Variants in RBFOX1 observed in about 807,000 individuals in gnomAD.
RBFOX1 encodes RNA binding protein fox-1 homolog 1.
RBFOX1 carries 8 observed loss-of-function variants against 57.7 expected under a neutral mutation model. The ratio of observed to expected loss-of-function variants is 0.14; its 90% CI spans 0.08 to 0.25. The LOEUF is 0.25. Ranked by LOEUF, RBFOX1 falls within the 10% of genes least tolerant of loss-of-function variation. The probability of loss-of-function intolerance (pLI) is 1.00; values close to 1 mark genes in which losing one functional copy is unlikely to be tolerated. For missense variants in RBFOX1, 611 were observed against 548.5 expected, an observed-to-expected ratio of 1.11 and a Z score of -1.14; for synonymous variants, 326 against 222.4, an observed-to-expected ratio of 1.47 and a Z score of -4.15.
At chr16:7,242,608 C>G (rs898425540) in intron 4 of RBFOX1, among the ~76,000 whole-genome samples, 4 of 152,168 alleles carry the variant, frequency 2.6e-5, no homozygotes, top group African/African-American at 7.2e-5. Context: ...GCTGAACAAA[C>G]TTTCCATGGT....
At chr16:7,144,669 A>G (rs1364731458) in intron 4 of RBFOX1, among the ~76,000 whole-genome samples, 1 of 152,096 alleles carries the variant, frequency 6.6e-6, no homozygotes, top group African/African-American at 2.4e-5. Context: ...CATTCATTAA[A>G]TGATGGTTTT....
intron 3 of RBFOX1, among the ~76,000 whole-genome samples, chr16:6,975,630 C>T (rs1436637074): frequency 1.3e-5 from 2 of 152,150 alleles, no homozygotes; most frequent in African/African-American, 4.8e-5. Context: ...TCCCACTTGA[C>T]AGATGAAAAG....
At chr16:6,496,019 G>A (rs1044014486) in intron 2 of RBFOX1, among the ~76,000 whole-genome samples, 4 of 152,276 alleles carry the variant, frequency 2.6e-5, no homozygotes, top group Admixed American at 6.5e-5. Flanking sequence ...CTGTTGCAGT[G>A]ACAGGACAAA....
intron 1 of RBFOX1, among the ~76,000 whole-genome samples, chr16:6,046,817 C>T (rs768872428): frequency 2.0e-5 from 3 of 152,210 alleles, no homozygotes; most frequent in Non-Finnish European, 4.4e-5. Context: ...GAAATGAAGT[C>T]GGCTTTATCT....
chr16:5,704,987 A>G (rs1054714865), intron 3 of RBFOX1, among the ~76,000 whole-genome samples: 1 of 152,168 alleles, frequency 6.6e-6, no homozygotes. Context: ...GCACATGTGT[A>G]GATCATCTCT....
intron 2 of RBFOX1, among the ~76,000 whole-genome samples, chr16:5,478,211 T>G (rs868047623): frequency 1.3e-5 from 2 of 152,104 alleles, no homozygotes; most frequent in Admixed American, 6.5e-5. Flanking sequence ...CTTCCCAATT[T>G]AGGTTAGACT....
intron 3 of RBFOX1, among the ~76,000 whole-genome samples, chr16:5,620,993 A>T (rs1301196645): frequency 6.6e-6 from 1 of 152,044 alleles, no homozygotes; most frequent in Non-Finnish European, 1.5e-5. Flanking sequence ...GACGCTCGCC[A>T]CCACGCCCAG....
chr16:6,418,528 T>TTA (rs1384735435), intron 2 of RBFOX1, among the ~76,000 whole-genome samples: 2 of 139,784 alleles, frequency 1.4e-5, no homozygotes, highest in African/African-American at 5.3e-5. Flanking sequence ...TATTTTTTTT[T>TTA]TTTTTTTTTT....
intron 3 of RBFOX1, among the ~76,000 whole-genome samples, chr16:6,657,870 C>G (rs985466738): frequency 2.0e-5 from 3 of 152,188 alleles, no homozygotes; most frequent in African/African-American, 4.8e-5. Context: ...GGGAGCTTCA[C>G]AGAACCCCTA....
At chr16:6,517,114 G>T (rs971048488) in intron 2 of RBFOX1, among the ~76,000 whole-genome samples, 1 of 152,136 alleles carries the variant, frequency 6.6e-6, no homozygotes, top group Non-Finnish European at 1.5e-5. Context: ...CTGGCTTGTT[G>T]TGGGCCACTT....
intron 2 of RBFOX1, among the ~76,000 whole-genome samples, chr16:6,580,628 C>T (rs1420064): frequency 0.45 from 68,786 of 151,974 alleles, 16,591 homozygotes; most frequent in East Asian, 0.67. Context: ...GAGGGACCAA[C>T]CTTGGTTGAT....
chr16:5,713,339 C>T (rs1294273661), intron 3 of RBFOX1, among the ~76,000 whole-genome samples: 2 of 152,140 alleles, frequency 1.3e-5, no homozygotes, highest in African/African-American at 4.8e-5. Context: ...GAGTCAGGGA[C>T]TTAAGTACAG....
At chr16:6,639,342 T>G (rs565867878) in intron 2 of RBFOX1, among the ~76,000 whole-genome samples, 7 of 152,266 alleles carry the variant, frequency 4.6e-5, no homozygotes, top group African/African-American at 1.7e-4. Context: ...CTAGGATCTT[T>G]ACAAGAGCGG....
At chr16:5,395,518 T>C (rs896433801) in intron 1 of RBFOX1, among the ~76,000 whole-genome samples, 1 of 152,218 alleles carries the variant, frequency 6.6e-6, no homozygotes, top group Admixed American at 6.5e-5. Context: ...GAGGGAAATT[T>C]CTTCTACTCT....
rs150114693 is a variant in RBFOX1, at chr16:5,975,324, C to T, written c.351+107989C>T. ...GGAGCAATACATCACCCAAGCTCTG[C>T]AGCCTTCGTCCATATCATTAGAGCA... On this transcript the variant is annotated intron_variant, in intron 4 of 19. Transcript: ENST00000641259. Among the ~76,000 whole-genome samples the T allele has an allele frequency of 2.6e-5, 4 of 152,302 alleles. No homozygotes were observed. The South Asian group carries it at 6.2e-4, about 24-fold the overall frequency.
chr16:5,568,931 G>T (rs1341487827), intron 2 of RBFOX1, among the ~76,000 whole-genome samples: 1 of 151,930 alleles, frequency 6.6e-6, no homozygotes, highest in African/African-American at 2.4e-5. Flanking sequence ...ACCTCCGCCC[G>T]CTGGGTTCAA....
intron 3 of RBFOX1, among the ~76,000 whole-genome samples, chr16:6,951,972 G>T (rs896891841): frequency 6.6e-6 from 1 of 152,192 alleles, no homozygotes. Context: ...CTGATCTCTT[G>T]ATGGGGGCAT....
At chr16:6,849,875 C>T (rs1198744294) in intron 3 of RBFOX1, among the ~76,000 whole-genome samples, 1 of 152,116 alleles carries the variant, frequency 6.6e-6, no homozygotes, top group Admixed American at 6.5e-5. Context: ...TGCCACTTAA[C>T]TCTCCCTGAT....
At chr16:5,341,362 C>T (rs1300344122) in intron 1 of RBFOX1, among the ~76,000 whole-genome samples, 1 of 152,092 alleles carries the variant, frequency 6.6e-6, no homozygotes, top group Non-Finnish European at 1.5e-5. Context: ...AAGAGAGAAA[C>T]AGGGAATCCA....
Sources: gnomAD v4.1 joint callset for allele counts (sites outside exome capture counted in the v4.1 genomes callset) on GRCh38, gnomAD v4.1.1 for gene constraint, MANE v1.5 for transcripts, NCBI Gene and HGNC (gene_info 2026-07-23, HGNC 2026-07-21) for gene names.